EEIG1: variants seen among roughly 807,000 people sequenced by gnomAD.
The protein encoded by EEIG1 is estrogen-induced osteoclastogenesis regulator 1.
the EEIG1 span, chr9:127,944,737 G>T: frequency 1.2e-6 from 2 of 1,611,608 alleles, no homozygotes; most frequent in Non-Finnish European, 1.7e-6. Context: ...CCAGCCCTTG[G>T]AGCAGGTGGC....
the EEIG1 span, chr9:127,979,957 C>A: frequency 6.3e-7 from 1 of 1,595,440 alleles, no homozygotes; most frequent in Non-Finnish European, 8.5e-7. Context: ...GCTCATCACC[C>A]CCGCTGCTGC....
chr9:127,961,957 A>G, the EEIG1 span, among the ~76,000 whole-genome samples: 1 of 152,198 alleles, frequency 6.6e-6, no homozygotes, highest in Non-Finnish European at 1.5e-5. Context: ...GAGGAGCTGT[A>G]TGGAGGGGCA....
At chr9:127,945,498 G>A in the EEIG1 span, 7 of 1,569,716 alleles carry the variant, frequency 4.5e-6, no homozygotes, top group Non-Finnish European at 1.7e-6. The surrounding 1 kb of genome is among the most constrained non-coding windows in gnomAD (Gnocchi z 6.5). Flanking sequence ...TGCTGCTGGT[G>A]GACGTGTTGC....
chr9:127,952,916 C>T, the EEIG1 span, among the ~76,000 whole-genome samples: 11 of 152,138 alleles, frequency 7.2e-5, no homozygotes, highest in East Asian at 1.9e-4. Flanking sequence ...GGGGTTTTGT[C>T]GTATTGCCAA....
chr9:127,979,883 C>G, the EEIG1 span: 1 of 1,328,438 alleles, frequency 7.5e-7, no homozygotes, highest in Non-Finnish European at 1.0e-6. Flanking sequence ...CACACAGAAT[C>G]CCCCGGATCC....
At chr9:127,941,274 T>TA in the EEIG1 span, 7 of 152,330 alleles carry the variant, frequency 4.6e-5, no homozygotes, top group African/African-American at 1.7e-4. Flanking sequence ...GCGCCAAAGC[T>TA]GGCTGTTTTC....
At chr9:127,943,547 A>G in the EEIG1 span, 1 of 419,992 alleles carries the variant, frequency 2.4e-6, no homozygotes, top group East Asian at 4.7e-5. Context: ...ACTGAGGCTC[A>G]GAGGGATGTG....
chr9:127,964,741 G>C, the EEIG1 span, among the ~76,000 whole-genome samples: 6 of 152,172 alleles, frequency 3.9e-5, no homozygotes, highest in African/African-American at 7.2e-5. Context: ...GCCCTGCGGG[G>C]GCAGGTGCTC....
At chr9:127,941,043 C>G in the EEIG1 span, 1 of 152,206 alleles carries the variant, frequency 6.6e-6, no homozygotes, top group Non-Finnish European at 1.5e-5. Context: ...GAGCTGTGGG[C>G]ACCTGGTGGG....
At chr9:127,944,754 C>T in the EEIG1 span, 1 of 1,611,416 alleles carries the variant, frequency 6.2e-7, no homozygotes, top group East Asian at 2.2e-5. Flanking sequence ...TGGCCTCGCC[C>T]CCACCAGCCC....
the EEIG1 span, among the ~76,000 whole-genome samples, chr9:127,965,142 A>C: frequency 3.7e-3 from 542 of 146,560 alleles, 5 homozygotes; most frequent in African/African-American, 0.013. Context: ...AAAAAAAAAA[A>C]AAACCAAAAA....
the EEIG1 span, among the ~76,000 whole-genome samples, chr9:127,964,127 A>T: frequency 1.3e-5 from 2 of 152,086 alleles, no homozygotes; most frequent in African/African-American, 4.8e-5. Flanking sequence ...TGACGAGGAG[A>T]GGCCACCAAG....
chr9:127,953,643 A>G, the EEIG1 span: 1,546,813 of 1,613,400 alleles, frequency 0.96, 746,013 homozygotes, highest in Non-Finnish European at 0.99. Flanking sequence ...AGTTGACTGC[A>G]GAATCCCAGG....
the EEIG1 span, among the ~76,000 whole-genome samples, chr9:127,969,172 C>A: frequency 6.6e-6 from 1 of 152,210 alleles, no homozygotes; most frequent in Non-Finnish European, 1.5e-5. Context: ...GGGTTCAGGG[C>A]AGAGCAGGCG....
At chr9:127,976,758 G>C in the EEIG1 span, among the ~76,000 whole-genome samples, 1 of 152,154 alleles carries the variant, frequency 6.6e-6, no homozygotes, top group Admixed American at 6.5e-5. This position sits in a 1 kb window ranked among gnomAD's most constrained non-coding sequence, Gnocchi z 4.1. Context: ...CAGCCAGGAC[G>C]GCAGGTGCTG....
At chr9:127,948,406 A>C in the EEIG1 span, 1 of 1,614,084 alleles carries the variant, frequency 6.2e-7, no homozygotes, top group East Asian at 2.2e-5. Context: ...GGAACATACC[A>C]ATGGTGACCT....
chr9:127,943,219 G>A, the EEIG1 span: 34 of 1,613,992 alleles, frequency 2.1e-5, no homozygotes, highest in Admixed American at 2.7e-4. Flanking sequence ...CAACTGGCTC[G>A]TAGACCCCAG....
the EEIG1 span, chr9:127,950,446 G>A: frequency 1.2e-6 from 2 of 1,613,948 alleles, no homozygotes; most frequent in Non-Finnish European, 8.5e-7. Flanking sequence ...TTGTCCTGGC[G>A]AGTGTTCTTC....
At chr9:127,950,768 G>C in the EEIG1 span, 1 of 1,300,394 alleles carries the variant, frequency 7.7e-7, no homozygotes, top group Non-Finnish European at 9.9e-7. Flanking sequence ...GCTGCACAAA[G>C]CACCCTTTGT....
Sources: gnomAD v4.1 joint callset for allele counts (sites outside exome capture counted in the v4.1 genomes callset) on GRCh38, gnomAD v4.1.1 for gene constraint, Gnocchi (gnomAD v3.1) non-coding constraint, MANE v1.5 for transcripts, NCBI Gene and HGNC (gene_info 2026-07-23, HGNC 2026-07-21) for gene names.